Variants in WDR59 observed in about 807,000 individuals in gnomAD.
WDR59 encodes the protein GATOR2 complex protein WDR59.
In WDR59, 100 loss-of-function variants were observed where a neutral mutation model predicts 131.2. The ratio of observed to expected loss-of-function variants is 0.76; its 90% CI spans 0.65 to 0.90. The LOEUF (loss-of-function observed/expected upper bound fraction) is 0.90. Ranked by LOEUF, WDR59 falls within the 40% of genes least tolerant of loss-of-function variation. The pLI, the probability that WDR59 is intolerant of heterozygous loss-of-function variation, is 0.00. For missense variants in WDR59, 1,203 were observed against 1,262.2 expected (o/e 0.95, Z 0.71); for synonymous variants, 601 against 466.2 (o/e 1.29, Z -3.72).
intron 14 of WDR59, among the ~76,000 whole-genome samples, chr16:74,910,259 C>T (rs778439274): frequency 1.1e-4 from 16 of 152,142 alleles, no homozygotes; most frequent in Non-Finnish European, 2.1e-4. Flanking sequence ...TGAGCCACTG[C>T]GCCCGGCCCT....
At chr16:74,964,405 G>A (rs2033683320) in intron 2 of WDR59, among the ~76,000 whole-genome samples, 1 of 151,064 alleles carries the variant, frequency 6.6e-6, no homozygotes, top group Admixed American at 6.6e-5. Flanking sequence ...CAGGGAGCTG[G>A]AGGCAGAAAA....
intron 17 of WDR59, among the ~76,000 whole-genome samples, chr16:74,908,102 A>G (rs376908699): frequency 1.3e-4 from 20 of 152,344 alleles, no homozygotes; most frequent in African/African-American, 4.8e-4. Flanking sequence ...GAAAATGAAA[A>G]GAAGGGCTTT....
intron 17 of WDR59, among the ~76,000 whole-genome samples, chr16:74,905,145 G>A (rs113872321): frequency 0.029 from 4,380 of 152,218 alleles, 205 homozygotes; most frequent in African/African-American, 0.1. Context: ...GGAGGCCAAG[G>A]CGGGCAGATT....
chr16:74,877,779 A>G (rs951476511), intron 25 of WDR59, among the ~76,000 whole-genome samples: 7 of 152,166 alleles, frequency 4.6e-5, no homozygotes, highest in African/African-American at 1.4e-4. Flanking sequence ...TCCTGACCTC[A>G]GGTGATCCAC....
intron 17 of WDR59, among the ~76,000 whole-genome samples, chr16:74,908,234 C>A (rs945889623): frequency 3.3e-5 from 5 of 152,004 alleles, no homozygotes; most frequent in Admixed American, 1.3e-4. Flanking sequence ...CCTGGCAACA[C>A]TGCAAAACCC....
chr16:74,942,491 T>C (rs1429019536), intron 7 of WDR59, among the ~76,000 whole-genome samples: 1 of 152,180 alleles, frequency 6.6e-6, no homozygotes, highest in Non-Finnish European at 1.5e-5. Context: ...CCTGGTGTCA[T>C]AATTAGGAGG....
chr16:74,976,951 G>A (rs563790976), intron 1 of WDR59, among the ~76,000 whole-genome samples: 6 of 152,218 alleles, frequency 3.9e-5, no homozygotes, highest in Non-Finnish European at 5.9e-5. Flanking sequence ...AGGTTGCACT[G>A]ATTCAAAATC....
rs111851732 is a variant in WDR59, at chr16:74,940,562, T to C, written c.534+2176A>G. On this transcript the variant is annotated intron_variant, in intron 7 of 25. Coordinates refer to ENST00000262144, the MANE Select transcript of WDR59 (RefSeq NM_030581.4). The stretch of plus-strand genomic sequence containing the variant: ...CTGGATTAAAATCCACTGTTAGCAC[T>C]GACACTGAACTTTGTGAAGTCTGTA... Among the ~76,000 whole-genome samples, 694 of 152,318 alleles carry C rather than the reference T, an allele frequency of 4.6e-3. 5 individuals carry two copies. The highest frequency in any genetic ancestry group is 0.02 in the Middle Eastern group (6 of 294).
At chr16:74,943,161 C>G (rs1370120550) in intron 6 of WDR59, among the ~76,000 whole-genome samples, 1 of 151,932 alleles carries the variant, frequency 6.6e-6, no homozygotes, top group African/African-American at 2.4e-5. Flanking sequence ...ACTTGTCACA[C>G]AACCTGACCC....
At chr16:74,935,841 A>G (rs2031755339) in intron 8 of WDR59, among the ~76,000 whole-genome samples, 1 of 152,064 alleles carries the variant, frequency 6.6e-6, no homozygotes, top group African/African-American at 2.4e-5. Context: ...TACTAAAAAC[A>G]CAAAAGTTAG....
intron 18 of WDR59, among the ~76,000 whole-genome samples, chr16:74,900,073 A>G (rs746940836): frequency 1.3e-5 from 2 of 152,220 alleles, no homozygotes; most frequent in Non-Finnish European, 2.9e-5. Flanking sequence ...GGTTTGAGGA[A>G]CACTAACACA....
intron 20 of WDR59, 117 bp downstream of exon 20, chr16:74,892,367 A>G: frequency 1.1e-6 from 1 of 928,058 alleles, no homozygotes. Context: ...GAAAATGGAA[A>G]ATGAATTCCA....
In WDR59 at chr16:74,915,886, C is replaced by T. The variant is rs1657661914; in HGVS notation, c.1208G>A (p.Arg403Gln). The T allele has an allele frequency of 1.9e-6, 3 of 1,614,074 alleles. No individual in the cohort carries two copies. The highest frequency in any genetic ancestry group is 1.3e-5 in the African/African-American group (1 of 74,928). ...ACTAAGTACCTCCACATTGACATTCCGGATTTGCACATTGATCAGGGAGAA... is the reference window on the plus strand; with the variant it reads ...ACTAAGTACCTCCACATTGACATTCTGGATTTGCACATTGATCAGGGAGAA... ...QEFSLINVQI[R>Q]NVNVEMDAAD... The change falls in exon 13 of 26, where the codon CGG becomes CAG. Residue 403 changes from arginine (R) to glutamine (Q), a missense_variant. Coordinates refer to ENST00000262144, the MANE Select transcript of WDR59 (RefSeq NM_030581.4).
chr16:74,925,310 C>T (rs910253039), intron 8 of WDR59, among the ~76,000 whole-genome samples: 1 of 152,046 alleles, frequency 6.6e-6, no homozygotes, highest in Non-Finnish European at 1.5e-5. Flanking sequence ...CCAAGGCAGG[C>T]AGGCAGGCAG....
At chr16:74,884,155 C>T (rs1186794996) in intron 25 of WDR59, among the ~76,000 whole-genome samples, 4 of 152,206 alleles carry the variant, frequency 2.6e-5, no homozygotes, top group Non-Finnish European at 5.9e-5. Flanking sequence ...CCAACTCTAG[C>T]GATGCCACCC....
intron 7 of WDR59, among the ~76,000 whole-genome samples, chr16:74,940,833 G>C (rs1240154431): frequency 5.3e-5 from 8 of 152,124 alleles, no homozygotes; most frequent in African/African-American, 1.9e-4. Flanking sequence ...AGCCTCCCGA[G>C]TAGCTGGGAC....
chr16:74,984,128 T>A (rs1440084063), intron 1 of WDR59, among the ~76,000 whole-genome samples: 1 of 151,790 alleles, frequency 6.6e-6, no homozygotes, highest in Non-Finnish European at 1.5e-5. Context: ...AATACAAAAA[T>A]TAGCCGGGCG....
intron 8 of WDR59, among the ~76,000 whole-genome samples, chr16:74,933,893 C>T (rs868845468): frequency 3.9e-5 from 6 of 152,132 alleles, no homozygotes; most frequent in African/African-American, 1.4e-4. Flanking sequence ...CATTTCTTAT[C>T]TTTAGACCCT....
chr16:74,952,350 G>A (rs1228020468), intron 3 of WDR59, among the ~76,000 whole-genome samples: 2 of 150,986 alleles, frequency 1.3e-5, no homozygotes, highest in African/African-American at 2.4e-5. Flanking sequence ...GCTGAGGTGG[G>A]AGGATCGCTT....
Sources: allele counts gnomAD v4.1 joint callset (sites outside exome capture counted in the v4.1 genomes callset), GRCh38; gene constraint gnomAD v4.1.1; transcripts MANE v1.5; gene names NCBI Gene and HGNC (gene_info 2026-07-23, HGNC 2026-07-21).